Variants in SLC25A13 observed in about 807,000 individuals in gnomAD.
SLC25A13 encodes electrogenic aspartate/glutamate antiporter SLC25A13, mitochondrial.
In SLC25A13, 70 loss-of-function variants were observed where a neutral mutation model predicts 85.5. The observed-to-expected ratio is 0.82, with a 90% CI of 0.68 to 1.00. SLC25A13 has a LOEUF of 1.00. SLC25A13 is among the 50% of genes least tolerant of loss of function. The probability of loss-of-function intolerance (pLI) is 0.00; values close to 1 mark genes in which losing one functional copy is unlikely to be tolerated. For missense variants in SLC25A13, 765 were observed against 819.8 expected, an observed-to-expected ratio of 0.93 and a Z score of 0.82; for synonymous variants, 259 against 288.7, an observed-to-expected ratio of 0.90 and a Z score of 1.04.
At chr7:96,133,222 T>C (rs1478891700) in intron 14 of SLC25A13, among the ~76,000 whole-genome samples, 2 of 152,214 alleles carry the variant, frequency 1.3e-5, no homozygotes, top group African/African-American at 4.8e-5. Flanking sequence ...ACTCTGTGTA[T>C]ACAGGTATTC....
intron 11 of SLC25A13, among the ~76,000 whole-genome samples, chr7:96,178,354 T>C (rs1219720957): frequency 6.6e-6 from 1 of 152,116 alleles, no homozygotes. Flanking sequence ...AGGCAGTAGT[T>C]ACCAGTTCTA....
At chr7:96,184,865 A>G (rs1314215652) in intron 10 of SLC25A13, 62 bp downstream of exon 10, 1 of 1,333,114 alleles carries the variant, frequency 7.5e-7, no homozygotes, top group Non-Finnish European at 1.1e-6. Flanking sequence ...TCAAGATGGA[A>G]AATCAGAGAA....
intron 3 of SLC25A13, among the ~76,000 whole-genome samples, chr7:96,245,563 T>A (rs929199205): frequency 1.6e-4 from 24 of 152,234 alleles, no homozygotes; most frequent in Admixed American, 1.3e-4. Context: ...GCTATCTTAT[T>A]ATACTACATT....
chr7:96,247,560 T>C (rs538604270), intron 3 of SLC25A13, among the ~76,000 whole-genome samples: 1 of 152,132 alleles, frequency 6.6e-6, no homozygotes, highest in South Asian at 2.1e-4. Flanking sequence ...TGAAAGATTA[T>C]TGTACCCTCT....
rs148478506 is a variant in SLC25A13, at chr7:96,195,593, C to A, written c.469-2410G>T. Among the ~76,000 whole-genome samples, 235 of 152,256 alleles carry A rather than the reference C, an allele frequency of 1.5e-3. 3 individuals carry two copies. Among genetic ancestry groups the A allele is most frequent in the African/African-American group, 5.5e-3 (229 of 41,544 alleles). On this transcript the variant is annotated intron_variant, in intron 5 of 17. Transcript: ENST00000265631. Reference sequence around the variant, plus strand: ...CCCCCTCCATGGAAATCTCCAATGACCCTTCATCATACAGACCCGTCTCTG... The same window carrying A: ...CCCCCTCCATGGAAATCTCCAATGAACCTTCATCATACAGACCCGTCTCTG...
intron 3 of SLC25A13, among the ~76,000 whole-genome samples, chr7:96,272,136 C>T (rs1212385245): frequency 1.3e-5 from 2 of 152,184 alleles, no homozygotes; most frequent in African/African-American, 4.8e-5. Context: ...GATCCGCCTG[C>T]CTCGGCATCC....
intron 1 of SLC25A13, among the ~76,000 whole-genome samples, chr7:96,301,710 C>G (rs1799555096): frequency 1.3e-5 from 2 of 151,562 alleles, no homozygotes; most frequent in African/African-American, 4.8e-5. Context: ...CTTACTGCAG[C>G]CTCACACTCC....
At chr7:96,206,625 A>G (rs1325083114) in intron 5 of SLC25A13, among the ~76,000 whole-genome samples, 1 of 152,182 alleles carries the variant, frequency 6.6e-6, no homozygotes, top group East Asian at 1.9e-4. Flanking sequence ...CACTATAACC[A>G]TTGTAATCTA....
rs148353172 is a variant in SLC25A13, at chr7:96,299,253, T to C, written c.16-2302A>G. Among the ~76,000 whole-genome samples the C allele has an allele frequency of 9.6e-3, 1,468 of 152,238 alleles. 18 individuals carry two copies. The highest frequency in any genetic ancestry group is 0.033 in the African/African-American group (1,366 of 41,536). ...TGAAATGTATATTCAGTGCTCCCCATCAGAACTACACCTCAAAGGGGGAAA... is the reference window on the plus strand; with the variant it reads ...TGAAATGTATATTCAGTGCTCCCCACCAGAACTACACCTCAAAGGGGGAAA... On this transcript the variant is annotated intron_variant, in intron 1 of 17. Transcript: ENST00000265631.
intron 3 of SLC25A13, among the ~76,000 whole-genome samples, chr7:96,257,119 A>T (rs963172929): frequency 6.6e-6 from 1 of 152,228 alleles, no homozygotes; most frequent in African/African-American, 2.4e-5. Context: ...GGCGGGAAAG[A>T]TCTAAAATTG....
intron 5 of SLC25A13, among the ~76,000 whole-genome samples, chr7:96,205,011 G>A (rs1403093787): frequency 2.6e-5 from 4 of 152,124 alleles, no homozygotes; most frequent in African/African-American, 9.7e-5. Context: ...TGGGTTCAGC[G>A]ATTCTCCTGC....
At chr7:96,192,886 C>T (rs1489470180) in intron 6 of SLC25A13, 151 bp downstream of exon 6, 1 of 856,766 alleles carries the variant, frequency 1.2e-6, no homozygotes. Context: ...AGCCAAAACA[C>T]ACTCTTTGTT....
intron 1 of SLC25A13, among the ~76,000 whole-genome samples, chr7:96,311,762 CCCA>C (rs1472681043): frequency 6.6e-6 from 1 of 152,036 alleles, no homozygotes; most frequent in Non-Finnish European, 1.5e-5. Flanking sequence ...TATATATCTG[CCCA>C]CCAATACAGA....
At chr7:96,240,403 T>TG (rs1281894929) in intron 3 of SLC25A13, among the ~76,000 whole-genome samples, 2 of 152,170 alleles carry the variant, frequency 1.3e-5, no homozygotes, top group African/African-American at 2.4e-5. Flanking sequence ...GTCCACCAGC[T>TG]GCAGTTTGAC....
intron 5 of SLC25A13, among the ~76,000 whole-genome samples, chr7:96,205,389 T>C (rs1367271153): frequency 6.6e-6 from 1 of 152,212 alleles, no homozygotes; most frequent in African/African-American, 2.4e-5. Flanking sequence ...TATTTTAAAA[T>C]ACACATACCT....
At chr7:96,320,031 G>T (rs1229006440) in intron 1 of SLC25A13, among the ~76,000 whole-genome samples, 1 of 152,294 alleles carries the variant, frequency 6.6e-6, no homozygotes. Context: ...TTGAGACAGG[G>T]TCTTGCTCTG....
chr7:96,298,595 G>A (rs1019645980), intron 1 of SLC25A13, among the ~76,000 whole-genome samples: 1 of 151,934 alleles, frequency 6.6e-6, no homozygotes, highest in African/African-American at 2.4e-5. Flanking sequence ...CACCATGCCC[G>A]GCTAATTTTT....
At chr7:96,210,995 T>C (rs1223245524) in intron 4 of SLC25A13, among the ~76,000 whole-genome samples, 1 of 152,132 alleles carries the variant, frequency 6.6e-6, no homozygotes. Flanking sequence ...CTGTTTCCCA[T>C]AGAAAGTAAC....
intron 15 of SLC25A13, among the ~76,000 whole-genome samples, chr7:96,124,733 T>C (rs1316563167): frequency 6.6e-6 from 1 of 152,222 alleles, no homozygotes; most frequent in African/African-American, 2.4e-5. Context: ...ACTGAATTCA[T>C]TTACAGTGCT....
Sources: allele counts gnomAD v4.1 joint callset (sites outside exome capture counted in the v4.1 genomes callset), GRCh38; gene constraint gnomAD v4.1.1; transcripts MANE v1.5; gene names NCBI Gene and HGNC (gene_info 2026-07-23, HGNC 2026-07-21).